The following IGFL2 variants were observed in gnomAD, a reference collection of about 807,000 sequenced individuals.
The protein encoded by IGFL2 is insulin growth factor-like family member 2.
A neutral mutation model predicts 13.9 loss-of-function variants in IGFL2; 7 were observed. That is an observed-to-expected ratio of 0.51 (90% CI 0.29 to 0.95). IGFL2 has a LOEUF of 0.95. Ranked by LOEUF, IGFL2 falls within the 40% of genes least tolerant of loss-of-function variation. The pLI, the probability that IGFL2 is intolerant of heterozygous loss-of-function variation, is 0.08. For missense variants in IGFL2, 138 were observed against 147.8 expected (o/e 0.93, Z 0.34); for synonymous variants, 55 against 55.8 (o/e 0.99, Z 0.07).
At chr19:46,147,415 G>A (rs76289241), upstream of IGFL2, among the ~76,000 whole-genome samples, 388 of 152,290 alleles carry the variant, frequency 2.5e-3, 2 homozygotes, top group African/African-American at 8.8e-3. Context: ...AAGTTTACTA[G>A]CCAGCAAAAT....
the IGFL2 span, among the ~76,000 whole-genome samples, chr19:46,099,758 C>T: frequency 6.6e-6 from 1 of 152,060 alleles, no homozygotes. Flanking sequence ...GAACTCCTGA[C>T]CTCGTGATCC....
the IGFL2 span, chr19:46,124,060 G>A: frequency 6.2e-7 from 1 of 1,611,538 alleles, no homozygotes; most frequent in South Asian, 1.1e-5. Flanking sequence ...GGATAAGATG[G>A]CATCATCATA....
chr19:46,131,796 G>A, the IGFL2 span, among the ~76,000 whole-genome samples: 9 of 152,168 alleles, frequency 5.9e-5, no homozygotes, highest in South Asian at 1.7e-3. Flanking sequence ...AAAGTTAGCC[G>A]GGCATGGTGG....
In IGFL2 at chr19:46,161,099, A is replaced by T; in HGVS notation, c.*11A>T. The stretch of plus-strand genomic sequence containing the variant: ...AGACGTTTTCCCTGAGAAGACATAG[A>T]AAGAAAATCAACTTTCACTAAGGCA... On this transcript the variant is annotated 3_prime_UTR_variant, in exon 4 of 4. Transcript: ENST00000377693. 1 of 1,584,544 alleles carries T rather than the reference A, an allele frequency of 6.3e-7. No individual in the cohort carries two copies. The highest frequency in any genetic ancestry group is 1.1e-5 in the South Asian group (1 of 87,554).
the IGFL2 span, among the ~76,000 whole-genome samples, chr19:46,104,731 G>T: frequency 6.6e-6 from 1 of 152,184 alleles, no homozygotes; most frequent in African/African-American, 2.4e-5. Flanking sequence ...TAGAATAGCA[G>T]ATGGAACACT....
intron 1 of IGFL2, among the ~76,000 whole-genome samples, chr19:46,153,928 T>A (rs1204851631): frequency 6.6e-6 from 1 of 151,864 alleles, no homozygotes; most frequent in Non-Finnish European, 1.5e-5. Context: ...TATCAACCCG[T>A]CATCTAGGTT....
At chr19:46,122,733 C>T in the IGFL2 span, among the ~76,000 whole-genome samples, 2 of 150,994 alleles carry the variant, frequency 1.3e-5, no homozygotes, top group South Asian at 2.1e-4. Flanking sequence ...GGTTTACATA[C>T]ATTTTACATT....
At chr19:46,194,853 T>TA in the IGFL2 span, among the ~76,000 whole-genome samples, 506 of 13,886 alleles carry the variant, frequency 0.036, 2 homozygotes, top group African/African-American at 0.044. Flanking sequence ...TATATATATA[T>TA]TTTTTTTTTT....
At chr19:46,094,348 T>A in the IGFL2 span, among the ~76,000 whole-genome samples, 1 of 152,040 alleles carries the variant, frequency 6.6e-6, no homozygotes, top group African/African-American at 2.4e-5. Flanking sequence ...GGGTTGGTTT[T>A]AAAAAAATAT....
At chr19:46,127,462 A>T in the IGFL2 span, among the ~76,000 whole-genome samples, 1 of 152,252 alleles carries the variant, frequency 6.6e-6, no homozygotes, top group East Asian at 1.9e-4. Context: ...AATCATTCTT[A>T]GTCTAAATTT....
At chr19:46,127,111 C>T in the IGFL2 span, among the ~76,000 whole-genome samples, 1 of 152,148 alleles carries the variant, frequency 6.6e-6, no homozygotes, top group Admixed American at 6.6e-5. Flanking sequence ...ATAGTCTGGG[C>T]ACAGTGGCTG....
the IGFL2 span, among the ~76,000 whole-genome samples, chr19:46,109,518 A>G: frequency 1.3e-5 from 2 of 152,036 alleles, no homozygotes; most frequent in East Asian, 1.9e-4. Context: ...GGGTTTCACC[A>G]TGTTAGCCAG....
At chr19:46,150,227 TTTATTA>T (rs1329306607) in intron 1 of IGFL2, among the ~76,000 whole-genome samples, 1 of 152,208 alleles carries the variant, frequency 6.6e-6, no homozygotes, top group Non-Finnish European at 1.5e-5. Flanking sequence ...GGTTATTTAT[TTTATTA>T]TTATTTAGTT....
chr19:46,093,667 ATAAAT>A, the IGFL2 span, among the ~76,000 whole-genome samples: 1 of 152,224 alleles, frequency 6.6e-6, no homozygotes, highest in African/African-American at 2.4e-5. Context: ...CATAGGACAA[ATAAAT>A]TAGGTTAGCA....
chr19:46,160,598 C>T lies in IGFL2; in HGVS notation c.74-16C>T. ...ATCCTTGAGCTCACACCAACAATGT[C>T]TGTCCATCTGTCCAGCTCCCGCTGG... On this transcript the variant is annotated splice_polypyrimidine_tract_variant and intron_variant, in intron 2 of 3. Coordinates refer to ENST00000377693, the MANE Select transcript of IGFL2 (RefSeq NM_001135113.2). 6.2e-7 allele frequency: 1 copy of T among 1,613,962 alleles called. No individual in the cohort carries two copies. Among genetic ancestry groups the T allele is most frequent in the Non-Finnish European group, 8.5e-7 (1 of 1,179,864 alleles).
the IGFL2 span, among the ~76,000 whole-genome samples, chr19:46,082,524 G>C: frequency 6.6e-6 from 1 of 152,160 alleles, no homozygotes. Flanking sequence ...AGCTGATACA[G>C]ACAGGCATAT....
chr19:46,149,533 T>C (rs918712684), intron 1 of IGFL2, among the ~76,000 whole-genome samples: 3 of 151,746 alleles, frequency 2.0e-5, no homozygotes, highest in African/African-American at 7.3e-5. Context: ...TGTTCCTCTC[T>C]TTCCCCTCTA....
the IGFL2 span, among the ~76,000 whole-genome samples, chr19:46,188,433 A>G: frequency 6.6e-6 from 1 of 151,880 alleles, no homozygotes; most frequent in Non-Finnish European, 1.5e-5. Context: ...ACTCTCCTCT[A>G]TATTGCCTTT....
At chr19:46,188,113 G>T in the IGFL2 span, among the ~76,000 whole-genome samples, 6 of 152,172 alleles carry the variant, frequency 3.9e-5, no homozygotes, top group African/African-American at 1.4e-4. Flanking sequence ...CATAAATGGG[G>T]TTAATGCTTT....
Sources: allele counts gnomAD v4.1 joint callset (sites outside exome capture counted in the v4.1 genomes callset), GRCh38; gene constraint gnomAD v4.1.1; transcripts MANE v1.5; gene names NCBI Gene and HGNC (gene_info 2026-07-23, HGNC 2026-07-21).